NLGN1: variants seen among roughly 807,000 people sequenced by gnomAD.
NLGN1 encodes neuroligin-1.
NLGN1 carries 12 observed loss-of-function variants against 65.5 expected under a neutral mutation model. The ratio of observed to expected loss-of-function variants is 0.18; its 90% CI spans 0.12 to 0.30. The LOEUF (loss-of-function observed/expected upper bound fraction) is 0.30. Ranked by LOEUF, NLGN1 falls within the 10% of genes least tolerant of loss-of-function variation. The probability of loss-of-function intolerance (pLI) is 1.00; values close to 1 mark genes in which losing one functional copy is unlikely to be tolerated. For synonymous variants in NLGN1, 350 were observed against 359.5 expected (o/e 0.97, Z 0.30); for missense variants, 750 against 1,007.1 (o/e 0.74, Z 3.46).
chr3:174,136,480 T>C (rs1448757531), intron 4 of NLGN1: 1 of 152,080 alleles, frequency 6.6e-6, no homozygotes, highest in Non-Finnish European at 1.5e-5. Flanking sequence ...CAACATTGTT[T>C]TGACAGTGAA....
At chr3:173,892,539 CA>C (rs1202334207) in intron 4 of NLGN1, among the ~76,000 whole-genome samples, 1 of 145,916 alleles carries the variant, frequency 6.9e-6, no homozygotes, top group Non-Finnish European at 1.5e-5. Flanking sequence ...TAATATGTGT[CA>C]GCATCATATT....
chr3:174,130,746 T>A (rs1720018893), intron 4 of NLGN1, among the ~76,000 whole-genome samples: 1 of 152,114 alleles, frequency 6.6e-6, no homozygotes, highest in African/African-American at 2.4e-5. Flanking sequence ...CACTCATTAA[T>A]GACGGAAGAA....
chr3:174,035,877 T>G (rs1443391825), intron 4 of NLGN1, among the ~76,000 whole-genome samples: 1 of 152,122 alleles, frequency 6.6e-6, no homozygotes, highest in Non-Finnish European at 1.5e-5. Flanking sequence ...TGTGCTGACC[T>G]GTATATTAGT....
intron 2 of NLGN1, among the ~76,000 whole-genome samples, chr3:173,531,366 A>G (rs1318178093): frequency 2.0e-5 from 3 of 152,058 alleles, no homozygotes; most frequent in Non-Finnish European, 4.4e-5. Flanking sequence ...AATTTTTTAA[A>G]ATTTTATATT....
intron 2 of NLGN1, among the ~76,000 whole-genome samples, chr3:173,527,299 C>A (rs1254098339): frequency 1.3e-5 from 2 of 152,208 alleles, no homozygotes; most frequent in African/African-American, 2.4e-5. Flanking sequence ...ATTTGCATTT[C>A]TCTGATGATC....
intron 4 of NLGN1, among the ~76,000 whole-genome samples, chr3:174,129,501 T>C (rs923167525): frequency 2.6e-5 from 4 of 152,144 alleles, no homozygotes; most frequent in Non-Finnish European, 5.9e-5. Context: ...GCTCAGAATT[T>C]TTCAAAGTTC....
intron 3 of NLGN1, among the ~76,000 whole-genome samples, chr3:173,619,838 T>G (rs1222989393): frequency 6.6e-6 from 1 of 152,152 alleles, no homozygotes; most frequent in East Asian, 1.9e-4. Flanking sequence ...CATCTCTATC[T>G]TGGATGGGAG....
intron 2 of NLGN1, among the ~76,000 whole-genome samples, chr3:173,442,312 A>T (rs1719355788): frequency 6.6e-6 from 1 of 152,174 alleles, no homozygotes; most frequent in African/African-American, 2.4e-5. Flanking sequence ...ATTGTATTTA[A>T]AATGTATCAA....
At chr3:173,487,302 G>T (rs1387933845) in intron 2 of NLGN1, among the ~76,000 whole-genome samples, 1 of 151,606 alleles carries the variant, frequency 6.6e-6, no homozygotes, top group East Asian at 1.9e-4. Flanking sequence ...CTTGGTTTGG[G>T]AATTAGGAGT....
chr3:173,832,077 C>T (rs939572600), intron 4 of NLGN1, among the ~76,000 whole-genome samples: 1 of 151,672 alleles, frequency 6.6e-6, no homozygotes, highest in Non-Finnish European at 1.5e-5. Context: ...TCCACCTCAA[C>T]CTCTCAAGTA....
rs116315986 is a variant in NLGN1 at position 174,091,822 on chromosome 3, C to T, written c.647-183493C>T. 9.5e-3 allele frequency among the ~76,000 whole-genome samples: 1,446 copies of T among 152,148 alleles called. 8 individuals are homozygous for T. The highest frequency in any genetic ancestry group is 0.016 in the Non-Finnish European group (1,055 of 67,980). ...TTCATTAATTACTAATTAGTGGCTCCGCTGCCTCTTCCTGCCATGTAGGCT... is the reference window on the plus strand; with the variant it reads ...TTCATTAATTACTAATTAGTGGCTCTGCTGCCTCTTCCTGCCATGTAGGCT... On this transcript the variant is annotated intron_variant, in intron 4 of 6. Transcript: ENST00000457714.
intron 4 of NLGN1, among the ~76,000 whole-genome samples, chr3:174,018,731 C>T (rs943108636): frequency 4.6e-5 from 7 of 152,100 alleles, no homozygotes; most frequent in African/African-American, 1.7e-4. Context: ...CATTGATTTC[C>T]CCACTTTTCC....
At chr3:173,613,951 G>A (rs976038267) in intron 3 of NLGN1, among the ~76,000 whole-genome samples, 1 of 151,202 alleles carries the variant, frequency 6.6e-6, no homozygotes, top group Admixed American at 6.6e-5. Context: ...AGGAATGAAG[G>A]AGGGAGTCTT....
intron 4 of NLGN1, among the ~76,000 whole-genome samples, chr3:174,138,541 T>A (rs1287965897): frequency 6.6e-6 from 1 of 151,592 alleles, no homozygotes; most frequent in Non-Finnish European, 1.5e-5. Context: ...TTCACGCCAT[T>A]CTCCTGCCTC....
intron 3 of NLGN1, among the ~76,000 whole-genome samples, chr3:173,781,433 T>G (rs926897162): frequency 6.6e-6 from 1 of 152,220 alleles, no homozygotes; most frequent in Non-Finnish European, 1.5e-5. Flanking sequence ...TAATTCATTT[T>G]AGTAAATATA....
intron 4 of NLGN1, among the ~76,000 whole-genome samples, chr3:174,196,486 A>C (rs1733444449): frequency 6.6e-6 from 1 of 152,184 alleles, no homozygotes; most frequent in African/African-American, 2.4e-5. Context: ...TACACTCTGC[A>C]CGTAATGTCA....
At chr3:173,948,218 C>T (rs1253373020) in intron 4 of NLGN1, among the ~76,000 whole-genome samples, 1 of 152,126 alleles carries the variant, frequency 6.6e-6, no homozygotes, top group Non-Finnish European at 1.5e-5. Flanking sequence ...ATTTTAATTT[C>T]TTTATTTATA....
intron 3 of NLGN1, among the ~76,000 whole-genome samples, chr3:173,798,086 A>C (rs920379235): frequency 2.0e-5 from 3 of 152,170 alleles, no homozygotes; most frequent in African/African-American, 7.2e-5. Flanking sequence ...AAATGAAGAC[A>C]GTGATTTAAT....
intron 2 of NLGN1, among the ~76,000 whole-genome samples, chr3:173,526,040 T>C (rs1735584998): frequency 6.6e-6 from 1 of 152,134 alleles, no homozygotes. Flanking sequence ...TTTTGGAAAA[T>C]GTACCATGCA....
Sources: allele counts gnomAD v4.1 joint callset (sites outside exome capture counted in the v4.1 genomes callset), GRCh38; gene constraint gnomAD v4.1.1; transcripts MANE v1.5; gene names NCBI Gene and HGNC (gene_info 2026-07-23, HGNC 2026-07-21).